The following DPP10 variants were observed in gnomAD, a reference collection of about 807,000 sequenced individuals.
DPP10 encodes the protein dipeptidyl peptidase like 10, also known as inactive dipeptidyl peptidase 10.
A neutral mutation model predicts 120.9 loss-of-function variants in DPP10; 33 were observed. The ratio of observed to expected loss-of-function variants is 0.27; its 90% CI spans 0.21 to 0.37. The LOEUF is 0.37. DPP10 is among the 10% of genes least tolerant of loss of function. The pLI, the probability that DPP10 is intolerant of heterozygous loss-of-function variation, is 1.00. For synonymous variants in DPP10, 337 were observed against 326.1 expected, an observed-to-expected ratio of 1.03 and a Z score of -0.36; for missense variants, 816 against 942.8, an observed-to-expected ratio of 0.87 and a Z score of 1.76.
intron 1 of DPP10, among the ~76,000 whole-genome samples, chr2:114,989,992 A>T (rs927582759): frequency 4.6e-5 from 7 of 152,154 alleles, no homozygotes; most frequent in African/African-American, 1.7e-4. Context: ...AACTTGCCAT[A>T]TATCTTTTAT....
intron 21 of DPP10, among the ~76,000 whole-genome samples, chr2:115,817,489 A>G (rs1025463438): frequency 6.6e-6 from 1 of 152,184 alleles, no homozygotes; most frequent in African/African-American, 2.4e-5. Context: ...AATACAAATC[A>G]GTGCAAATCA....
At chr2:115,365,778 T>C (rs2065043843) in intron 3 of DPP10, among the ~76,000 whole-genome samples, 1 of 152,048 alleles carries the variant, frequency 6.6e-6, no homozygotes, top group South Asian at 2.1e-4. Context: ...TTGAGCTAAA[T>C]TGGATTCATA....
intron 1 of DPP10, among the ~76,000 whole-genome samples, chr2:115,307,960 G>C (rs930468932): frequency 4.6e-5 from 7 of 152,130 alleles, no homozygotes; most frequent in Non-Finnish European, 1.0e-4. Flanking sequence ...TTAAGAAAAA[G>C]TGGAATTGAT....
chr2:115,398,975 CT>C (rs748391486), intron 3 of DPP10, among the ~76,000 whole-genome samples: 1 of 151,968 alleles, frequency 6.6e-6, no homozygotes, highest in Non-Finnish European at 1.5e-5. Context: ...AGAGAGCACA[CT>C]TTTTTTTAAG....
intron 4 of DPP10, among the ~76,000 whole-genome samples, chr2:115,519,897 C>T (rs182377081): frequency 9.8e-5 from 15 of 152,304 alleles, no homozygotes; most frequent in African/African-American, 3.4e-4. Context: ...ATAATATATA[C>T]TTAATTACAT....
At chr2:115,507,037 C>CAG (rs1252799496) in intron 4 of DPP10, among the ~76,000 whole-genome samples, 19 of 144,760 alleles carry the variant, frequency 1.3e-4, no homozygotes, top group African/African-American at 4.9e-4. Context: ...CGCACGCGCA[C>CAG]ACACACACAC....
rs548883749 is a variant in DPP10, at chr2:115,162,082, C to T, written c.61-147157C>T. 147 of 1,487,050 alleles carry T rather than the reference C, an allele frequency of 9.9e-5. No individual in the cohort carries two copies. In the African/African-American group the frequency reaches 2.0e-3, roughly 21 times the overall value. The allele number at this position is 1,487,050 out of a possible 1,614,324, so 92.1% of individuals were successfully genotyped here. A position where few individuals can be genotyped will look rare whatever the true frequency, so the allele number is the denominator to read the frequency against. ...TCCCGGGAGGGGTGGCTCCAGTGCG[C>T]GCTCCGCCCGCCTCCCGCTTCCCAG... On this transcript the variant is annotated intron_variant, in intron 1 of 25. Coordinates refer to ENST00000410059, the MANE Select transcript of DPP10 (RefSeq NM_020868.6).
At chr2:114,585,819 C>T (rs1435036506) in intron 1 of DPP10, among the ~76,000 whole-genome samples, 1 of 152,152 alleles carries the variant, frequency 6.6e-6, no homozygotes, top group Non-Finnish European at 1.5e-5. Flanking sequence ...GAGTATGACA[C>T]CAACATGTGG....
At chr2:115,744,311 G>GGTAGGCTA (rs1677672068) in intron 9 of DPP10, among the ~76,000 whole-genome samples, 1 of 150,132 alleles carries the variant, frequency 6.7e-6, no homozygotes, top group Non-Finnish European at 1.5e-5. Flanking sequence ...ATGGTAGGCT[G>GGTAGGCTA]GTAGGCTAAA....
intron 1 of DPP10, among the ~76,000 whole-genome samples, chr2:114,491,355 C>T (rs947919124): frequency 1.3e-5 from 2 of 152,098 alleles, no homozygotes; most frequent in Non-Finnish European, 2.9e-5. Flanking sequence ...GTGTGGGTAT[C>T]TTGTAATTTA....
intron 1 of DPP10, among the ~76,000 whole-genome samples, chr2:114,919,886 C>T (rs1373070632): frequency 6.6e-6 from 1 of 152,114 alleles, no homozygotes; most frequent in East Asian, 1.9e-4. Flanking sequence ...AGACAGGTGC[C>T]AGTTGGTCAC....
intron 5 of DPP10, among the ~76,000 whole-genome samples, chr2:115,543,294 A>G (rs1036759277): frequency 6.6e-5 from 10 of 151,988 alleles, no homozygotes; most frequent in Admixed American, 5.3e-4. Context: ...CTTTCACTCT[A>G]TCAAAGAATA....
chr2:114,444,579 A>AC (rs1180461649), intron 1 of DPP10, among the ~76,000 whole-genome samples: 6 of 35,554 alleles, frequency 1.7e-4, no homozygotes, highest in East Asian at 9.1e-4. Context: ...TGTGGAACAG[A>AC]AAAAAAAATG....
At chr2:115,822,245 C>A (rs1488390534) in intron 21 of DPP10, among the ~76,000 whole-genome samples, 2 of 151,938 alleles carry the variant, frequency 1.3e-5, no homozygotes, top group Non-Finnish European at 2.9e-5. Flanking sequence ...TCACAGAAAG[C>A]ATGTTACAAC....
intron 5 of DPP10, among the ~76,000 whole-genome samples, chr2:115,583,807 C>T (rs1210571963): frequency 6.6e-6 from 1 of 152,200 alleles, no homozygotes; most frequent in African/African-American, 2.4e-5. Flanking sequence ...TGTAGTTCTA[C>T]TCTATGAGGA....
Position 114,616,368 on chromosome 2 carries a change from T to C in DPP10, c.60+173530T>C, listed in dbSNP as rs192017248. Among the ~76,000 whole-genome samples, 3 of 152,240 alleles carry C rather than the reference T, an allele frequency of 2.0e-5. No homozygotes were observed. In the East Asian group the frequency reaches 5.8e-4, roughly 29 times the overall value. On this transcript the variant is annotated intron_variant, in intron 1 of 25. Coordinates refer to ENST00000410059, the MANE Select transcript of DPP10 (RefSeq NM_020868.6). The stretch of plus-strand genomic sequence containing the variant: ...TTCTGAGTTGAGTCTTGAAGAGTCA[T>C]GGGAAGTTTCTGCCAGCCTGATGGG...
rs559438061 is a variant in DPP10 at position 114,952,542 on chromosome 2, C to T, written c.61-356697C>T. On this transcript the variant is annotated intron_variant, in intron 1 of 25. Coordinates refer to ENST00000410059, the MANE Select transcript of DPP10 (RefSeq NM_020868.6). ...AACTTCTCTGGTCTTTTCTAAGCTGCCTTGTAAAATGAGTGTATGAAACTT... is the reference window on the plus strand; with the variant it reads ...AACTTCTCTGGTCTTTTCTAAGCTGTCTTGTAAAATGAGTGTATGAAACTT... Among the ~76,000 whole-genome samples, 244 of 152,214 alleles carry T rather than the reference C, an allele frequency of 1.6e-3. 2 individuals carry two copies. Among genetic ancestry groups the T allele is most frequent in the Non-Finnish European group, 2.5e-3 (167 of 68,008 alleles).
intron 1 of DPP10, among the ~76,000 whole-genome samples, chr2:114,883,761 TG>T (rs1691834968): frequency 6.6e-6 from 1 of 152,228 alleles, no homozygotes; most frequent in South Asian, 2.1e-4. Flanking sequence ...GGGCTCGGGC[TG>T]GGTTCTGAGA....
chr2:115,133,145 G>GTATATATATCTA (rs2050458423), intron 1 of DPP10, among the ~76,000 whole-genome samples: 1 of 28,762 alleles, frequency 3.5e-5, no homozygotes, highest in Admixed American at 5.2e-4. Flanking sequence ...GTGTGTGTGT[G>GTATATATATCTA]TATATATATA....
Sources: gnomAD v4.1 joint callset for allele counts (sites outside exome capture counted in the v4.1 genomes callset) on GRCh38, gnomAD v4.1.1 for gene constraint, MANE v1.5 for transcripts, NCBI Gene and HGNC (gene_info 2026-07-23, HGNC 2026-07-21) for gene names.